The following DRC11 variants were observed in gnomAD, a reference collection of about 807,000 sequenced individuals.
DRC11 encodes IQ and AAA domain-containing protein 1.
the DRC11 span, among the ~76,000 whole-genome samples, chr2:236,454,210 C>G: frequency 6.6e-6 from 1 of 152,166 alleles, no homozygotes; most frequent in Non-Finnish European, 1.5e-5. The surrounding 1 kb of genome is among the most constrained non-coding windows in gnomAD (Gnocchi z 5.3). Context: ...CAAAGAGCCC[C>G]GAATCTGTCT....
At chr2:236,465,397 C>T in the DRC11 span, 9 of 924,272 alleles carry the variant, frequency 9.7e-6, no homozygotes, top group East Asian at 2.6e-5. The surrounding 1 kb of genome is among the most constrained non-coding windows in gnomAD (Gnocchi z 6.2). Flanking sequence ...AAAACGAAGC[C>T]GAGAAACCTC....
the DRC11 span, chr2:236,338,353 A>G: frequency 6.2e-7 from 1 of 1,613,890 alleles, no homozygotes; most frequent in Non-Finnish European, 8.5e-7. Flanking sequence ...GGATTTGGGG[A>G]AGGTGTTTTT....
At chr2:236,357,451 T>G in the DRC11 span, among the ~76,000 whole-genome samples, 1 of 126,456 alleles carries the variant, frequency 7.9e-6, no homozygotes, top group Admixed American at 8.5e-5. Flanking sequence ...TATTTATAAA[T>G]TATATATATT....
the DRC11 span, among the ~76,000 whole-genome samples, chr2:236,439,462 T>C: frequency 1.2e-3 from 178 of 152,334 alleles, no homozygotes; most frequent in African/African-American, 4.1e-3. Flanking sequence ...AATAAAAAGA[T>C]AGTGTGTATT....
At chr2:236,497,481 A>G in the DRC11 span, 2 of 1,601,812 alleles carry the variant, frequency 1.2e-6, no homozygotes, top group Non-Finnish European at 1.7e-6. This position sits in a 1 kb window ranked among gnomAD's most constrained non-coding sequence, Gnocchi z 5.1. Flanking sequence ...ACATCTTATT[A>G]TACATTCTGG....
At chr2:236,426,458 A>G in the DRC11 span, among the ~76,000 whole-genome samples, 3 of 152,142 alleles carry the variant, frequency 2.0e-5, no homozygotes, top group South Asian at 6.2e-4. This position sits in a 1 kb window ranked among gnomAD's most constrained non-coding sequence, Gnocchi z 4.1. Flanking sequence ...GTGTATAGAA[A>G]TGCTACTGAT....
chr2:236,453,394 C>T, the DRC11 span, among the ~76,000 whole-genome samples: 1 of 152,136 alleles, frequency 6.6e-6, no homozygotes, highest in Non-Finnish European at 1.5e-5. This position sits in a 1 kb window ranked among gnomAD's most constrained non-coding sequence, Gnocchi z 4.9. Context: ...AACACAAAGG[C>T]CTGATTGTTT....
At chr2:236,337,303 G>T in the DRC11 span, among the ~76,000 whole-genome samples, 15 of 152,022 alleles carry the variant, frequency 9.9e-5, no homozygotes, top group African/African-American at 3.6e-4. This position sits in a 1 kb window ranked among gnomAD's most constrained non-coding sequence, Gnocchi z 4.9. Flanking sequence ...ATAGCAGAAC[G>T]GCCGCCAGCA....
the DRC11 span, among the ~76,000 whole-genome samples, chr2:236,398,124 A>G: frequency 6.6e-6 from 1 of 152,212 alleles, no homozygotes; most frequent in South Asian, 2.1e-4. This position sits in a 1 kb window ranked among gnomAD's most constrained non-coding sequence, Gnocchi z 6.2. Flanking sequence ...TGAGATGGGC[A>G]TGGAAAAACT....
At chr2:236,441,299 A>G in the DRC11 span, among the ~76,000 whole-genome samples, 2 of 152,206 alleles carry the variant, frequency 1.3e-5, no homozygotes, top group East Asian at 3.8e-4. Flanking sequence ...GATTACATTC[A>G]GTAGCAGGTT....
the DRC11 span, among the ~76,000 whole-genome samples, chr2:236,418,787 AGT>A: frequency 1.3e-5 from 2 of 152,232 alleles, no homozygotes; most frequent in African/African-American, 4.8e-5. Context: ...TTGACTTTCC[AGT>A]GTTTACTTGG....
At chr2:236,395,803 A>T in the DRC11 span, among the ~76,000 whole-genome samples, 1 of 152,206 alleles carries the variant, frequency 6.6e-6, no homozygotes, top group African/African-American at 2.4e-5. Flanking sequence ...AGCAGCACCT[A>T]CCTGTTACAT....
the DRC11 span, among the ~76,000 whole-genome samples, chr2:236,493,502 T>C: frequency 5.6e-4 from 86 of 152,342 alleles, no homozygotes; most frequent in African/African-American, 1.9e-3. Flanking sequence ...TTAAACTGCG[T>C]TGATAATCAA....
the DRC11 span, among the ~76,000 whole-genome samples, chr2:236,502,478 G>A: frequency 2.3e-5 from 3 of 133,222 alleles, no homozygotes; most frequent in South Asian, 7.5e-4. Flanking sequence ...TTGGGAGGCT[G>A]AGACAGGAGA....
the DRC11 span, among the ~76,000 whole-genome samples, chr2:236,443,327 C>G: frequency 6.6e-6 from 1 of 152,114 alleles, no homozygotes; most frequent in East Asian, 1.9e-4. This position sits in a 1 kb window ranked among gnomAD's most constrained non-coding sequence, Gnocchi z 4.4. Flanking sequence ...TCCTGATGCT[C>G]TCCCTCCCCG....
chr2:236,340,366 T>G, the DRC11 span, among the ~76,000 whole-genome samples: 1 of 152,226 alleles, frequency 6.6e-6, no homozygotes, highest in East Asian at 1.9e-4. Flanking sequence ...TTAAGTGATC[T>G]GCCCGCTTCG....
At chr2:236,381,828 A>G in the DRC11 span, among the ~76,000 whole-genome samples, 1 of 151,846 alleles carries the variant, frequency 6.6e-6, no homozygotes, top group Non-Finnish European at 1.5e-5. The surrounding 1 kb of genome is among the most constrained non-coding windows in gnomAD (Gnocchi z 5.8). Flanking sequence ...AGAGTTCTTT[A>G]TATGTTTATT....
chr2:236,382,671 A>T, the DRC11 span, among the ~76,000 whole-genome samples: 1 of 152,144 alleles, frequency 6.6e-6, no homozygotes, highest in African/African-American at 2.4e-5. Flanking sequence ...TGTTAGATTT[A>T]CACATATGTA....
chr2:236,321,312 G>A, the DRC11 span, among the ~76,000 whole-genome samples: 1 of 152,170 alleles, frequency 6.6e-6, no homozygotes, highest in Admixed American at 6.5e-5. Context: ...GGGTAGTACG[G>A]AGAGAATACA....
Sources: gnomAD v4.1 joint callset for allele counts (sites outside exome capture counted in the v4.1 genomes callset) on GRCh38, gnomAD v4.1.1 for gene constraint, Gnocchi (gnomAD v3.1) non-coding constraint, MANE v1.5 for transcripts, NCBI Gene and HGNC (gene_info 2026-07-23, HGNC 2026-07-21) for gene names.